MGST2: variants seen among roughly 807,000 people sequenced by gnomAD.
MGST2 encodes microsomal glutathione S-transferase 2.
A neutral mutation model predicts 16.6 loss-of-function variants in MGST2; 9 were observed. The ratio of observed to expected loss-of-function variants is 0.54; its 90% confidence interval spans 0.33 to 0.95. The LOEUF (loss-of-function observed/expected upper bound fraction) is 0.95, where lower values mean the gene tolerates loss of function less well. MGST2 is among the 40% of genes least tolerant of loss of function. The pLI is 0.03. For synonymous variants in MGST2, 79 were observed against 68.0 expected (o/e 1.16, Z -0.79); for missense variants, 159 against 175.1 (o/e 0.91, Z 0.52).
intron 1 of MGST2, among the ~76,000 whole-genome samples, chr4:139,674,782 TA>T (rs1424843105): frequency 6.6e-6 from 1 of 152,046 alleles, no homozygotes; most frequent in Non-Finnish European, 1.5e-5. Context: ...CTCTGTCTCT[TA>T]AAAAAACAAA....
chr4:139,681,419 G>A (rs1443404346), intron 2 of MGST2, among the ~76,000 whole-genome samples: 1 of 151,948 alleles, frequency 6.6e-6, no homozygotes, highest in East Asian at 1.9e-4. Context: ...TTAACCTCCA[G>A]GACTGATCCT....
chr4:139,695,333 G>A (rs1726857320), intron 3 of MGST2, 66 bp downstream of exon 3: 1 of 1,351,914 alleles, frequency 7.4e-7, no homozygotes, highest in East Asian at 2.3e-5. Context: ...TTAAGGAGTA[G>A]ATATATGGCC....
intron 5 of MGST2, chr4:139,730,871 G>A: frequency 3.4e-6 from 2 of 595,734 alleles, no homozygotes; most frequent in Non-Finnish European, 6.0e-6. Flanking sequence ...ACAAGGGACA[G>A]TAAGAGAGCA....
At chr4:139,674,177 G>A (rs1169497847) in intron 1 of MGST2, among the ~76,000 whole-genome samples, 1 of 152,192 alleles carries the variant, frequency 6.6e-6, no homozygotes, top group Non-Finnish European at 1.5e-5. Context: ...TGTGCCCAAG[G>A]TGGTCAGGGC....
chr4:139,701,850 C>T (rs762279903), intron 3 of MGST2, among the ~76,000 whole-genome samples: 18 of 151,850 alleles, frequency 1.2e-4, no homozygotes, highest in Non-Finnish European at 2.1e-4. Context: ...ACCAGTGGTC[C>T]CAGCTACTTA....
At chr4:139,706,247 C>G (rs1215487999), downstream of MGST2, among the ~76,000 whole-genome samples, 1 of 152,138 alleles carries the variant, frequency 6.6e-6, no homozygotes, top group Non-Finnish European at 1.5e-5. Flanking sequence ...TTCCCCTACT[C>G]ATTGGTCATT....
At chr4:139,701,398 C>A (rs903260935) in intron 3 of MGST2, among the ~76,000 whole-genome samples, 3 of 152,120 alleles carry the variant, frequency 2.0e-5, no homozygotes, top group Non-Finnish European at 4.4e-5. Flanking sequence ...TCCTTCCCAG[C>A]TCTTTGCTTG....
At chr4:139,666,199 C>T (rs2110772032) in intron 1 of MGST2, 122 bp downstream of exon 1, 1 of 1,036,178 alleles carries the variant, frequency 9.7e-7, no homozygotes. Flanking sequence ...CCTACTTGCC[C>T]TTGCAGGTAG....
Position 139,678,642 on chromosome 4 carries a change from A to G in MGST2, c.158A>G (p.Gln53Arg), listed in dbSNP as rs1290241411. 6.2e-7 allele frequency: 1 copy of G among 1,606,852 alleles called. No individual in the cohort carries two copies. Among genetic ancestry groups the G allele is most frequent in the Non-Finnish European group, 8.5e-7 (1 of 1,173,418 alleles). Residue 53 changes from glutamine to arginine, a missense_variant and splice_region_variant, in exon 2 of 5, where the codon CAA becomes CGA. Gln to Arg is a conservative substitution (Grantham distance 43). Coordinates refer to ENST00000265498, the MANE Select transcript of MGST2 (RefSeq NM_002413.5). ...SPEFERVFRAQQNCVEFYPIF... is the reference protein window; with the variant it reads ...SPEFERVFRARQNCVEFYPIF... ...GAGTTTGAGAGAGTATTTCGGGCAC[A>G]GTAAGTAATGCTTCTTCCACCCTTC... is the stretch of plus-strand genomic sequence containing the variant.
At chr4:139,691,696 TG>T (rs33917912) in intron 2 of MGST2, among the ~76,000 whole-genome samples, 111 of 137,686 alleles carry the variant, frequency 8.1e-4, no homozygotes, top group African/African-American at 2.6e-3. Flanking sequence ...ATGATGATGA[TG>T]ATTATTATTA....
intron 1 of MGST2, among the ~76,000 whole-genome samples, chr4:139,666,372 A>G (rs909444062): frequency 6.6e-6 from 1 of 152,128 alleles, no homozygotes; most frequent in East Asian, 1.9e-4. Context: ...TGTGATTACG[A>G]CCCACAGCCC....
chr4:139,689,297 G>A (rs1726433852), intron 2 of MGST2, among the ~76,000 whole-genome samples: 1 of 152,058 alleles, frequency 6.6e-6, no homozygotes, highest in Non-Finnish European at 1.5e-5. Context: ...TTCCCTGCAT[G>A]CTCTTTGTGT....
intron 1 of MGST2, among the ~76,000 whole-genome samples, chr4:139,676,014 G>A (rs1730940362): frequency 6.6e-6 from 1 of 152,154 alleles, no homozygotes; most frequent in East Asian, 1.9e-4. Context: ...TTCTGCCTCT[G>A]GATGGTCGGC....
intron 2 of MGST2, among the ~76,000 whole-genome samples, chr4:139,693,307 G>A (rs749563732): frequency 1.3e-4 from 19 of 151,870 alleles, no homozygotes; most frequent in African/African-American, 2.7e-4. Context: ...CGGGAGGCTG[G>A]GGCAGGAGAA....
downstream of MGST2, among the ~76,000 whole-genome samples, chr4:139,708,999 C>CAAAA (rs36036249): frequency 1.9e-5 from 2 of 102,598 alleles, no homozygotes; most frequent in African/African-American, 4.2e-5. Context: ...AACTCCGTCT[C>CAAAA]AAAAAAAAAA....
chr4:139,719,631 G>C (rs1728146735), intron 5 of MGST2: 1 of 1,612,122 alleles, frequency 6.2e-7, no homozygotes, highest in African/African-American at 1.3e-5. Context: ...GTGCCTTGCT[G>C]CCCCGGGAGC....
At chr4:139,687,392 G>A (rs984170551) in intron 2 of MGST2, among the ~76,000 whole-genome samples, 3 of 152,208 alleles carry the variant, frequency 2.0e-5, no homozygotes, top group Admixed American at 6.5e-5. Flanking sequence ...TGCTTGCAAA[G>A]CCATTTAGAC....
downstream of MGST2, among the ~76,000 whole-genome samples, chr4:139,708,192 T>A (rs1262638071): frequency 6.6e-6 from 1 of 152,232 alleles, no homozygotes; most frequent in African/African-American, 2.4e-5. Context: ...TTTTATGGTT[T>A]TAGGTCTAAC....
At chr4:139,690,257 G>A (rs894059122) in intron 2 of MGST2, among the ~76,000 whole-genome samples, 8 of 151,982 alleles carry the variant, frequency 5.3e-5, no homozygotes, top group African/African-American at 1.9e-4. Flanking sequence ...CTCCCAAACT[G>A]CTAGGATTAC....
Sources: gnomAD v4.1 joint callset for allele counts (sites outside exome capture counted in the v4.1 genomes callset) on GRCh38, gnomAD v4.1.1 for gene constraint, MANE v1.5 for transcripts, NCBI Gene and HGNC (gene_info 2026-07-23, HGNC 2026-07-21) for gene names.